Variants in SNTB2 observed in about 807,000 individuals in gnomAD.
The protein encoded by SNTB2 is beta-2-syntrophin.
SNTB2 carries 34 observed loss-of-function variants against 46.2 expected under a neutral mutation model. The observed-to-expected ratio is 0.74, with a 90% CI of 0.56 to 0.98. SNTB2 has a LOEUF of 0.98. Among genes scored for constraint, SNTB2 ranks in the 50% least tolerant of loss-of-function variants. SNTB2 has a pLI of 0.00. For synonymous variants in SNTB2, 290 were observed against 312.6 expected (o/e 0.93, Z 0.76); for missense variants, 603 against 731.4 (o/e 0.82, Z 2.02).
At chr16:69,214,565 C>T (rs1410228894) in intron 1 of SNTB2, among the ~76,000 whole-genome samples, 11 of 150,608 alleles carry the variant, frequency 7.3e-5, no homozygotes, top group African/African-American at 2.0e-4. Flanking sequence ...CTCGCTCTGT[C>T]GCCCAGGCTG....
rs1567419275 is a variant in SNTB2 at position 69,304,321 on chromosome 16, G to A, written c.*3397G>A. 1.3e-5 allele frequency: 2 copies of A among 152,464 alleles called. No individual in the cohort carries two copies. The highest frequency in any genetic ancestry group is 1.3e-4 in the Admixed American group (2 of 15,268). 9.4% of individuals were successfully genotyped at this position (152,464 alleles called of 1,614,324 possible). ...CCTCCCTAGTAGATAAGAGTTTCAG[G>A]TTAAATACTGGAACATATATAGGCA... On this transcript the variant is annotated 3_prime_UTR_variant, in exon 7 of 7. Coordinates refer to ENST00000336278, the MANE Select transcript of SNTB2 (RefSeq NM_006750.4).
Position 69,187,627 on chromosome 16 carries a change from G to C in SNTB2, c.461G>C (p.Ser154Thr), listed in dbSNP as rs768664905. 6.4e-7 allele frequency: 1 copy of C among 1,556,266 alleles called. No homozygotes were observed. Among genetic ancestry groups the C allele is most frequent in the South Asian group, 1.2e-5 (1 of 84,200 alleles). ...TTCCCCGGGCTGGCTGCCGACCAGA[G>C]CCGGGCGCTGCGGCTGGGCGACGCC... ...KIFPGLAADQ[S>T]RALRLGDAIL... Residue 154 changes from serine to threonine, a missense_variant, in exon 1 of 7, where the codon AGC becomes ACC. Coordinates refer to ENST00000336278, the MANE Select transcript of SNTB2 (RefSeq NM_006750.4).
intron 1 of SNTB2, among the ~76,000 whole-genome samples, chr16:69,232,614 C>T (rs1163830113): frequency 4.1e-5 from 6 of 146,266 alleles, no homozygotes; most frequent in Non-Finnish European, 7.4e-5. Context: ...CGGGTTCAAG[C>T]GATTCTCTTG....
chr16:69,249,792 A>G (rs1964708001), intron 2 of SNTB2, among the ~76,000 whole-genome samples: 1 of 152,132 alleles, frequency 6.6e-6, no homozygotes, highest in African/African-American at 2.4e-5. Context: ...AACTTGTTCT[A>G]ATTTTACTTA....
chr16:69,252,204 T>C (rs1964734164), intron 2 of SNTB2, among the ~76,000 whole-genome samples: 1 of 152,178 alleles, frequency 6.6e-6, no homozygotes, highest in Non-Finnish European at 1.5e-5. Flanking sequence ...TTTAGTTCCA[T>C]AGAGCTGAGA....
chr16:69,255,285 G>A (rs940140345), intron 2 of SNTB2, among the ~76,000 whole-genome samples: 1 of 151,794 alleles, frequency 6.6e-6, no homozygotes, highest in Non-Finnish European at 1.5e-5. Flanking sequence ...TTTGAGGGCC[G>A]TGCACAGTGG....
intron 5 of SNTB2, among the ~76,000 whole-genome samples, chr16:69,290,539 TG>T (rs1414276891): frequency 7.2e-5 from 11 of 152,194 alleles, no homozygotes; most frequent in Admixed American, 7.2e-4. Context: ...AAGAGTTTTC[TG>T]TGACCATATT....
intron 4 of SNTB2, among the ~76,000 whole-genome samples, chr16:69,277,731 A>G (rs1964995958): frequency 6.6e-6 from 1 of 152,244 alleles, no homozygotes; most frequent in Middle Eastern, 3.2e-3. Flanking sequence ...GCTAGACATT[A>G]AAGAGATTTT....
intron 1 of SNTB2, among the ~76,000 whole-genome samples, chr16:69,193,738 A>G (rs1964077957): frequency 6.6e-6 from 1 of 152,210 alleles, no homozygotes; most frequent in South Asian, 2.1e-4. Flanking sequence ...ACAGAAACCC[A>G]TTTAAACTAG....
At chr16:69,236,447 T>C (rs72795252) in intron 1 of SNTB2, among the ~76,000 whole-genome samples, 25 of 151,804 alleles carry the variant, frequency 1.6e-4, no homozygotes, top group Non-Finnish European at 2.6e-4. Context: ...GTACCTAGAG[T>C]AGTCAAATTC....
chr16:69,227,908 AGT>A (rs575659237), intron 1 of SNTB2, among the ~76,000 whole-genome samples: 1 of 133,826 alleles, frequency 7.5e-6, no homozygotes, highest in South Asian at 2.5e-4. Flanking sequence ...CCCAGGCTGG[AGT>A]TCAGTGGCAT....
chr16:69,192,621 T>C (rs908811364), intron 1 of SNTB2, among the ~76,000 whole-genome samples: 2 of 152,212 alleles, frequency 1.3e-5, no homozygotes, highest in African/African-American at 4.8e-5. Context: ...TGAATTCCTT[T>C]GGAGAAATGA....
rs1449887321 is a variant in SNTB2 at position 69,222,840 on chromosome 16, G to C, written c.581-22762G>C. 7.3e-5 allele frequency among the ~76,000 whole-genome samples: 11 copies of C among 150,128 alleles called. No homozygotes were observed. The East Asian group carries it at 8.1e-4, about 11-fold the overall frequency. ...CTTGTTGCCCAGGCTGGAGTGCAGT[G>C]GTGCGAACTTGGCTCACTGCAACCT... On this transcript the variant is annotated intron_variant, in intron 1 of 6. Transcript: ENST00000336278.
At chr16:69,219,016 A>G (rs959672678) in intron 1 of SNTB2, among the ~76,000 whole-genome samples, 1 of 152,196 alleles carries the variant, frequency 6.6e-6, no homozygotes, top group Non-Finnish European at 1.5e-5. Flanking sequence ...AACTAGTGGA[A>G]TGGTTACCAG....
At chr16:69,220,247 C>T (rs1964388818) in intron 1 of SNTB2, among the ~76,000 whole-genome samples, 1 of 148,320 alleles carries the variant, frequency 6.7e-6, no homozygotes, top group African/African-American at 2.5e-5. Flanking sequence ...CTGCAAGCTC[C>T]ATCTCCCAGA....
chr16:69,243,857 T>C (rs1376816878), intron 1 of SNTB2, among the ~76,000 whole-genome samples: 4 of 152,218 alleles, frequency 2.6e-5, no homozygotes, highest in Non-Finnish European at 5.9e-5. Context: ...AGAGATATAC[T>C]ACATCTAAAT....
At chr16:69,292,418 T>TG (rs1491478685) in intron 5 of SNTB2, among the ~76,000 whole-genome samples, 1 of 14,252 alleles carries the variant, frequency 7.0e-5, no homozygotes, top group African/African-American at 7.5e-4. Flanking sequence ...TATATATATA[T>TG]TATATATATA....
intron 5 of SNTB2, among the ~76,000 whole-genome samples, chr16:69,292,379 T>TTATATATATATTATA (rs1965172539): frequency 6.6e-5 from 2 of 30,312 alleles, no homozygotes; most frequent in African/African-American, 3.5e-4. Flanking sequence ...TATATATATA[T>TTATATATATATTATA]TATATATATA....
chr16:69,217,168 T>C (rs142584843), intron 1 of SNTB2, among the ~76,000 whole-genome samples: 4 of 152,356 alleles, frequency 2.6e-5, no homozygotes, highest in South Asian at 4.1e-4. Context: ...CCAAGGCATA[T>C]GTTTGGCCTT....
Sources: allele counts gnomAD v4.1 joint callset (sites outside exome capture counted in the v4.1 genomes callset), GRCh38; gene constraint gnomAD v4.1.1; transcripts MANE v1.5; gene names NCBI Gene and HGNC (gene_info 2026-07-23, HGNC 2026-07-21).